Variants in PALM2AKAP2 observed in about 807,000 individuals in gnomAD.
PALM2AKAP2 encodes PALM2 and AKAP2 fusion.
In PALM2AKAP2, 37 loss-of-function variants were observed where a neutral mutation model predicts 71.5. That is an observed-to-expected ratio of 0.52 (90% CI 0.40 to 0.68). The LOEUF is 0.68. PALM2AKAP2 is among the 30% of genes least tolerant of loss of function. The pLI, the probability that PALM2AKAP2 is intolerant of heterozygous loss-of-function variation, is 0.00. For missense variants in PALM2AKAP2, 1,224 were observed against 1,191.8 expected (o/e 1.03, Z -0.40); for synonymous variants, 468 against 478.8 (o/e 0.98, Z 0.29).
chr9:109,668,523 G>A (rs1022545074), intron 1 of PALM2AKAP2, among the ~76,000 whole-genome samples: 1 of 152,218 alleles, frequency 6.6e-6, no homozygotes, highest in African/African-American at 2.4e-5. Context: ...TTAATCATAT[G>A]TATTGGGAGA....
chr9:110,137,378 G>C lies in PALM2AKAP2; in HGVS notation c.1408G>C (p.Glu470Gln), dbSNP rs137882152. The C allele has an allele frequency of 3.7e-4, 599 of 1,614,170 alleles. 1 individual carries two copies. In the African/African-American group the frequency reaches 7.4e-3, roughly 20 times the overall value. The change falls in exon 2 of 4, where the codon GAA (glutamate) becomes CAA (glutamine). Residue 470 changes from glutamate (E) to glutamine (Q), a missense_variant. By Grantham distance (29) the Glu-to-Gln change is conservative. Transcript: ENST00000374525. ...ACCACCTTCTGTCGGGGGACCTCCA[G>C]AAGACAGTGGTGCCTCAGCCGCCAA...
intron 3 of PALM2AKAP2, among the ~76,000 whole-genome samples, chr9:109,923,106 T>G (rs1830874445): frequency 6.6e-6 from 1 of 152,080 alleles, no homozygotes; most frequent in African/African-American, 2.4e-5. Flanking sequence ...ATTTCCAGAG[T>G]CTCCTGGCAG....
intron 1 of PALM2AKAP2, among the ~76,000 whole-genome samples, chr9:110,071,076 A>G (rs1834195546): frequency 6.7e-6 from 1 of 149,394 alleles, no homozygotes; most frequent in Admixed American, 6.8e-5. Flanking sequence ...AGGCAGGAGA[A>G]TTGCTTGAAC....
intron 1 of PALM2AKAP2, among the ~76,000 whole-genome samples, chr9:109,680,488 A>G (rs1298593036): frequency 6.6e-6 from 1 of 152,224 alleles, no homozygotes; most frequent in Non-Finnish European, 1.5e-5. Context: ...AGGGCATAAG[A>G]GGTCATAAAC....
chr9:109,835,907 G>T (rs1303725108), intron 1 of PALM2AKAP2, among the ~76,000 whole-genome samples: 5 of 152,172 alleles, frequency 3.3e-5, no homozygotes, highest in Non-Finnish European at 7.3e-5. Flanking sequence ...GGAGCCCACC[G>T]CAGCTCAAGG....
intron 2 of PALM2AKAP2, among the ~76,000 whole-genome samples, chr9:110,149,842 C>A (rs944101572): frequency 2.3e-4 from 35 of 152,324 alleles, no homozygotes; most frequent in African/African-American, 8.2e-4. Flanking sequence ...AGGCAGAAGT[C>A]TGAAATTCAT....
At chr9:110,069,198 A>C (rs1236658210) in intron 1 of PALM2AKAP2, among the ~76,000 whole-genome samples, 1 of 152,226 alleles carries the variant, frequency 6.6e-6, no homozygotes, top group Non-Finnish European at 1.5e-5. Flanking sequence ...AAATAGGACC[A>C]GTAATACCTA....
intron 1 of PALM2AKAP2, among the ~76,000 whole-genome samples, chr9:109,822,424 A>G (rs1828035025): frequency 6.6e-6 from 1 of 151,900 alleles, no homozygotes; most frequent in Non-Finnish European, 1.5e-5. Flanking sequence ...CATTTCTTAT[A>G]TGGGTAAATT....
chr9:109,845,538 C>A (rs138398935), intron 1 of PALM2AKAP2, among the ~76,000 whole-genome samples: 91 of 152,294 alleles, frequency 6.0e-4, no homozygotes, highest in Non-Finnish European at 5.7e-4. Context: ...GTGACCCTTA[C>A]TGCGTAGTCC....
intron 1 of PALM2AKAP2, among the ~76,000 whole-genome samples, chr9:109,837,162 A>T (rs1428147510): frequency 6.6e-6 from 1 of 152,256 alleles, no homozygotes; most frequent in Non-Finnish European, 1.5e-5. Flanking sequence ...GAAGCCCATC[A>T]GACTAACAGT....
Position 109,925,582 on chromosome 9 carries a change from A to C in PALM2AKAP2, c.394+500A>C, listed in dbSNP as rs572829792. Among the ~76,000 whole-genome samples the C allele has an allele frequency of 2.0e-5, 3 of 152,182 alleles. No homozygotes were observed. The East Asian group carries it at 5.8e-4, about 29-fold the overall frequency. ...TGATCAGACAACTGTCGTTTCTTTC[A>C]TAGAAACAGGGCTGGGCAAAAACTT... On this transcript the variant is annotated intron_variant, in intron 5 of 9. Coordinates refer to the PALM2AKAP2 transcript ENST00000302798.
chr9:109,942,548 CCTCA>C (rs1160913358), intron 6 of PALM2AKAP2: 1 of 901,238 alleles, frequency 1.1e-6, no homozygotes, highest in African/African-American at 1.7e-5. Context: ...ACAGTGCGCA[CCTCA>C]CTCTAACACT....
intron 6 of PALM2AKAP2, among the ~76,000 whole-genome samples, chr9:109,991,708 C>A (rs534439077): frequency 5.2e-4 from 79 of 152,362 alleles, no homozygotes; most frequent in Non-Finnish European, 7.5e-4. Context: ...CAACGTAGCT[C>A]TGGTGGCCGC....
At chr9:110,036,215 G>A (rs544173813) in intron 7 of PALM2AKAP2, among the ~76,000 whole-genome samples, 5 of 152,310 alleles carry the variant, frequency 3.3e-5, no homozygotes, top group African/African-American at 9.6e-5. Flanking sequence ...GATTACAGGC[G>A]TGAGCCACTG....
At position 109,950,304 on chromosome 9, in the gene PALM2AKAP2, C is replaced by A. The variant is rs1480709336; in HGVS notation, c.496+18276C>A. ...CAAGACTCTGTCTCAAAAAAAAAAA[C>A]AAAAAAACAATTATCAGTTGGCCTT... On this transcript the variant is annotated intron_variant, in intron 6 of 9. Transcript: ENST00000302798. 5.3e-5 allele frequency among the ~76,000 whole-genome samples: 8 copies of A among 150,142 alleles called. No individual in the cohort carries two copies. The East Asian group carries it at 7.8e-4, about 15-fold the overall frequency.
chr9:110,097,409 C>G (rs1161267857), intron 1 of PALM2AKAP2, among the ~76,000 whole-genome samples: 2 of 150,014 alleles, frequency 1.3e-5, no homozygotes, highest in East Asian at 1.9e-4. Context: ...ACCTTTCCCC[C>G]CTTTCTATTC....
intron 1 of PALM2AKAP2, among the ~76,000 whole-genome samples, chr9:109,839,660 C>A (rs1049657901): frequency 1.3e-5 from 2 of 152,206 alleles, no homozygotes; most frequent in Admixed American, 6.5e-5. Context: ...AGCTGATAAG[C>A]AACTTCAGCA....
upstream of PALM2AKAP2, among the ~76,000 whole-genome samples, chr9:110,045,819 C>T (rs1026783024): frequency 1.3e-5 from 2 of 152,136 alleles, no homozygotes; most frequent in African/African-American, 2.4e-5. Flanking sequence ...CCACCCACCT[C>T]GGACTCCCAA....
At chr9:109,934,628 C>T (rs1400891726) in intron 6 of PALM2AKAP2, among the ~76,000 whole-genome samples, 3 of 152,156 alleles carry the variant, frequency 2.0e-5, no homozygotes, top group African/African-American at 7.2e-5. Flanking sequence ...GGCTGCTCAC[C>T]CCCAAAATAG....
Sources: gnomAD v4.1 joint callset for allele counts (sites outside exome capture counted in the v4.1 genomes callset) on GRCh38, gnomAD v4.1.1 for gene constraint, MANE v1.5 for transcripts, NCBI Gene and HGNC (gene_info 2026-07-23, HGNC 2026-07-21) for gene names.